Variants in EDN1 observed in about 807,000 individuals in gnomAD.
EDN1 encodes the protein endothelin-1.
EDN1 carries 11 observed loss-of-function variants against 21.7 expected under a neutral mutation model. The observed-to-expected ratio is 0.51, with a 90% CI of 0.32 to 0.84. The LOEUF is 0.84. Ranked by LOEUF, EDN1 falls within the 40% of genes least tolerant of loss-of-function variation. The probability of loss-of-function intolerance (pLI) is 0.03; values close to 1 mark genes in which losing one functional copy is unlikely to be tolerated. For missense variants in EDN1, 244 were observed against 262.3 expected (o/e 0.93, Z 0.48); for synonymous variants, 85 against 90.6 (o/e 0.94, Z 0.35).
chr6:12,284,295 A>G, the EDN1 span, among the ~76,000 whole-genome samples: 3 of 152,212 alleles, frequency 2.0e-5, no homozygotes, highest in African/African-American at 7.2e-5. Flanking sequence ...TTATTATACA[A>G]AAGTTGAGAA....
chr6:12,234,112 G>C, the EDN1 span, among the ~76,000 whole-genome samples: 1 of 152,192 alleles, frequency 6.6e-6, no homozygotes, highest in Admixed American at 6.5e-5. Flanking sequence ...TAACAATGTT[G>C]AATGCACTTT....
chr6:12,272,379 A>G, the EDN1 span, among the ~76,000 whole-genome samples: 1 of 152,050 alleles, frequency 6.6e-6, no homozygotes, highest in African/African-American at 2.4e-5. Flanking sequence ...GTGAGGAAAA[A>G]TTAATTATGC....
At chr6:12,289,190 TTATTAAATGTGAAG>T (rs1377098084), upstream of EDN1, among the ~76,000 whole-genome samples, 1 of 152,172 alleles carries the variant, frequency 6.6e-6, no homozygotes, top group Non-Finnish European at 1.5e-5. Context: ...TGTAAACACA[TTATTAAATGTGAAG>T]TATTATCTGA....
chr6:12,279,589 G>A, the EDN1 span, among the ~76,000 whole-genome samples: 3 of 152,210 alleles, frequency 2.0e-5, no homozygotes, highest in Non-Finnish European at 4.4e-5. Flanking sequence ...CTAAGTCAGG[G>A]TGTCTGAGGA....
chr6:12,237,368 A>G, the EDN1 span, among the ~76,000 whole-genome samples: 2 of 152,218 alleles, frequency 1.3e-5, no homozygotes, highest in Non-Finnish European at 2.9e-5. Context: ...AAGAATATAA[A>G]GAGGTTTTCA....
chr6:12,272,250 C>T, the EDN1 span, among the ~76,000 whole-genome samples: 1 of 151,970 alleles, frequency 6.6e-6, no homozygotes, highest in Non-Finnish European at 1.5e-5. Flanking sequence ...AACACAGAAA[C>T]CAGGGCTACC....
At chr6:12,244,943 C>T in the EDN1 span, among the ~76,000 whole-genome samples, 1 of 152,098 alleles carries the variant, frequency 6.6e-6, no homozygotes, top group African/African-American at 2.4e-5. Flanking sequence ...CAACTTCTAC[C>T]CTATCAGGAA....
chr6:12,258,529 CA>C, the EDN1 span, among the ~76,000 whole-genome samples: 2 of 144,730 alleles, frequency 1.4e-5, no homozygotes. Flanking sequence ...ATATTTTCAT[CA>C]AAGGATTTAT....
At chr6:12,238,171 C>CAAAA in the EDN1 span, among the ~76,000 whole-genome samples, 1 of 104,414 alleles carries the variant, frequency 9.6e-6, no homozygotes, top group East Asian at 2.6e-4. Context: ...GACTCTATCT[C>CAAAA]AAAAAAAAAA....
chr6:12,230,972 A>C, the EDN1 span, among the ~76,000 whole-genome samples: 1 of 152,208 alleles, frequency 6.6e-6, no homozygotes. Flanking sequence ...CATTGGCCTA[A>C]GGTGGAGAAA....
chr6:12,283,419 T>C, the EDN1 span, among the ~76,000 whole-genome samples: 1 of 152,218 alleles, frequency 6.6e-6, no homozygotes, highest in Non-Finnish European at 1.5e-5. Flanking sequence ...AGGGAATTTT[T>C]TTTTTCTGTA....
At chr6:12,253,311 T>C in the EDN1 span, among the ~76,000 whole-genome samples, 2 of 152,230 alleles carry the variant, frequency 1.3e-5, no homozygotes, top group East Asian at 3.8e-4. Flanking sequence ...CCCTCCTATA[T>C]GCTAGACAGC....
At chr6:12,241,130 T>C in the EDN1 span, among the ~76,000 whole-genome samples, 1 of 151,936 alleles carries the variant, frequency 6.6e-6, no homozygotes, top group Non-Finnish European at 1.5e-5. Context: ...TGTGGGAACC[T>C]TAGGATGCAC....
At chr6:12,243,306 A>G in the EDN1 span, among the ~76,000 whole-genome samples, 3 of 77,850 alleles carry the variant, frequency 3.9e-5, no homozygotes, top group African/African-American at 1.1e-4. Context: ...GGAGGAGGAG[A>G]GGAGGAGGAG....
the EDN1 span, among the ~76,000 whole-genome samples, chr6:12,264,445 A>C: frequency 6.6e-6 from 1 of 152,224 alleles, no homozygotes. Flanking sequence ...ATAAGAGAAT[A>C]TTATTTGAAT....
upstream of EDN1, among the ~76,000 whole-genome samples, chr6:12,289,317 A>C (rs780765103): frequency 8.6e-5 from 13 of 151,980 alleles, no homozygotes; most frequent in East Asian, 1.9e-4. Context: ...ACACCCCCCC[A>C]AAAAAAAGAG....
intron 2 of EDN1, 45 bp downstream of exon 2, chr6:12,292,554 T>A: frequency 6.3e-7 from 1 of 1,576,180 alleles, no homozygotes; most frequent in Non-Finnish European, 8.7e-7. Flanking sequence ...TCATTAGCGC[T>A]GGCTCCACTG....
intron 4 of EDN1, among the ~76,000 whole-genome samples, chr6:12,295,631 C>A (rs1762804713): frequency 6.6e-6 from 1 of 152,114 alleles, no homozygotes; most frequent in Non-Finnish European, 1.5e-5. Flanking sequence ...CTGAGTTCCT[C>A]AAGGCAGGGT....
chr6:12,280,572 C>G, the EDN1 span, among the ~76,000 whole-genome samples: 2 of 152,174 alleles, frequency 1.3e-5, no homozygotes, highest in Non-Finnish European at 2.9e-5. Flanking sequence ...TGCCTTATAT[C>G]TACAACTCAA....
Sources: gnomAD v4.1 joint callset for allele counts (sites outside exome capture counted in the v4.1 genomes callset) on GRCh38, gnomAD v4.1.1 for gene constraint, MANE v1.5 for transcripts, NCBI Gene and HGNC (gene_info 2026-07-23, HGNC 2026-07-21) for gene names.